TRAM2: variants seen among roughly 807,000 people sequenced by gnomAD.
The protein encoded by TRAM2 is translocating chain-associated membrane protein 2.
TRAM2 carries 12 observed loss-of-function variants against 51.0 expected under a neutral mutation model. The observed-to-expected ratio is 0.24, with a 90% CI of 0.15 to 0.38. The LOEUF (loss-of-function observed/expected upper bound fraction) is 0.38. Ranked by LOEUF, TRAM2 falls within the 10% of genes least tolerant of loss-of-function variation. The pLI is 1.00. For missense variants in TRAM2, 361 were observed against 462.0 expected (o/e 0.78, Z 2.00); for synonymous variants, 175 against 179.4 (o/e 0.98, Z 0.20).
At chr6:52,556,166 G>A (rs1767401188) in intron 1 of TRAM2, among the ~76,000 whole-genome samples, 1 of 152,040 alleles carries the variant, frequency 6.6e-6, no homozygotes, top group African/African-American at 2.4e-5. Flanking sequence ...TCTTGGGGGA[G>A]GGCATTCATG....
At chr6:52,566,214 T>A (rs1024795744) in intron 1 of TRAM2, among the ~76,000 whole-genome samples, 1 of 152,188 alleles carries the variant, frequency 6.6e-6, no homozygotes, top group African/African-American at 2.4e-5. Flanking sequence ...TAAGAAGGTC[T>A]AGAGAAAAGC....
chr6:52,515,832 T>C, intron 4 of TRAM2, 174 bp downstream of exon 4: 1 of 638,148 alleles, frequency 1.6e-6, no homozygotes, highest in South Asian at 1.9e-5. Flanking sequence ...ACCATGAGGA[T>C]GCAAACATAG....
intron 7 of TRAM2, among the ~76,000 whole-genome samples, chr6:52,506,923 G>T (rs1317254004): frequency 6.6e-6 from 1 of 152,232 alleles, no homozygotes; most frequent in Middle Eastern, 3.2e-3. Context: ...AGTGAGCTCT[G>T]TAAGTGCCAG....
intron 8 of TRAM2, 41 bp from the exon 9 acceptor site, chr6:52,505,783 C>T: frequency 6.4e-7 from 1 of 1,561,058 alleles, no homozygotes. Context: ...TCTTTAGCGC[C>T]CTTGAAGGAA....
At chr6:52,515,789 C>A in intron 4 of TRAM2, 1 of 525,714 alleles carries the variant, frequency 1.9e-6, no homozygotes, top group African/African-American at 1.9e-5. Flanking sequence ...CAAGATGACT[C>A]TCTCCAGCTA....
chr6:52,544,638 C>T (rs987743759), intron 1 of TRAM2, among the ~76,000 whole-genome samples: 7 of 152,212 alleles, frequency 4.6e-5, no homozygotes, highest in African/African-American at 1.4e-4. Context: ...TGAGGGAACC[C>T]GATAAGCAGA....
At chr6:52,566,511 T>C (rs1442811873) in intron 1 of TRAM2, among the ~76,000 whole-genome samples, 1 of 152,088 alleles carries the variant, frequency 6.6e-6, no homozygotes, top group Non-Finnish European at 1.5e-5. Flanking sequence ...ACCACTCTAG[T>C]AGTCTCCAGA....
At chr6:52,552,510 G>C (rs1023487859) in intron 1 of TRAM2, among the ~76,000 whole-genome samples, 5 of 152,178 alleles carry the variant, frequency 3.3e-5, no homozygotes, top group Non-Finnish European at 5.9e-5. Context: ...CCACAAACCC[G>C]ACGGGCTGCT....
At position 52,503,200 on chromosome 6, in the gene TRAM2, G is replaced by A. The variant is rs771917230; in HGVS notation, c.1110C>T (p.Pro370=). ...TSPRTKKLKS[P] ...TCCTGTTCTTAGCACTTTGGCCTTA[G>A]GGAGACTTGAGTTTCTTAGTCCGTG... The change falls in exon 11 of 11, where the codon CCC becomes CCT. Residue 370 remains proline (P), a synonymous_variant. Coordinates refer to ENST00000182527, the MANE Select transcript of TRAM2 (RefSeq NM_012288.4). 2 of 1,613,636 alleles carry A rather than the reference G, an allele frequency of 1.2e-6. No individual in the cohort carries two copies. Among genetic ancestry groups the A allele is most frequent in the Non-Finnish European group, 1.7e-6 (2 of 1,179,768 alleles).
intron 4 of TRAM2, among the ~76,000 whole-genome samples, chr6:52,511,622 C>G (rs1018675076): frequency 3.9e-5 from 6 of 152,264 alleles, no homozygotes; most frequent in African/African-American, 1.4e-4. Context: ...AGGTTATTGT[C>G]TATTAGGATC....
intron 1 of TRAM2, among the ~76,000 whole-genome samples, chr6:52,539,637 C>G (rs1193496620): frequency 6.6e-6 from 1 of 151,996 alleles, no homozygotes; most frequent in Non-Finnish European, 1.5e-5. Context: ...GCTGTAGGAG[C>G]GTGGGGATCT....
Position 52,501,042 on chromosome 6 carries a change from C to T in TRAM2, c.*2155G>A, listed in dbSNP as rs1286768961. 6.6e-6 allele frequency: 1 copy of T among 152,160 alleles called. No individual in the cohort carries two copies. The highest frequency in any genetic ancestry group is 1.5e-5 in the Non-Finnish European group (1 of 68,060). The allele number at this position is 152,160 out of a possible 1,614,324, so 9.4% of individuals were successfully genotyped here. A position where few individuals can be genotyped will look rare whatever the true frequency, so the allele number is the denominator to read the frequency against. ...TATTAGGCAAGGTGGGGGGCCTGAA[C>T]TCAATTATAGACTCTGTCAGGGCTG... On this transcript the variant is annotated 3_prime_UTR_variant, in exon 11 of 11. Coordinates refer to ENST00000182527, the MANE Select transcript of TRAM2 (RefSeq NM_012288.4).
At chr6:52,541,258 G>A (rs769332353) in intron 1 of TRAM2, among the ~76,000 whole-genome samples, 7 of 152,288 alleles carry the variant, frequency 4.6e-5, no homozygotes, top group Non-Finnish European at 1.0e-4. Context: ...ATGTTATCGA[G>A]TGCTTATTTG....
intron 7 of TRAM2, among the ~76,000 whole-genome samples, chr6:52,506,343 T>C (rs1278181603): frequency 6.6e-6 from 1 of 152,152 alleles, no homozygotes; most frequent in Admixed American, 6.5e-5. Context: ...CCGCTGGCCG[T>C]TCAGCTGTCC....
intron 1 of TRAM2, among the ~76,000 whole-genome samples, chr6:52,570,878 G>A (rs1767669538): frequency 6.9e-6 from 1 of 145,774 alleles, no homozygotes; most frequent in Non-Finnish European, 1.5e-5. Flanking sequence ...TACTTGCAAA[G>A]CTCTTTAAAC....
rs1434441984 is a variant in TRAM2, at chr6:52,576,817, G to A, written c.99C>T (p.Val33=). 4 of 1,613,728 alleles carry A rather than the reference G, an allele frequency of 2.5e-6. No homozygotes were observed. Among genetic ancestry groups the A allele is most frequent in the Admixed American group, 1.7e-5 (1 of 60,016 alleles). The change falls in exon 1 of 11, where the codon GTC becomes GTT. Residue 33 remains valine, a synonymous_variant. Transcript: ENST00000182527. The stretch of plus-strand genomic sequence containing the variant: ...TCACCTCGAACATAAGCCCGATGAG[G>A]ACGCAGAGCACCAGGCAGAAGCCGA... ...ADIGFCLVLC[V]LIGLMFEVTA...
intron 1 of TRAM2, among the ~76,000 whole-genome samples, chr6:52,555,682 G>A (rs1767393093): frequency 6.6e-6 from 1 of 152,056 alleles, no homozygotes. Context: ...ATTTTAAATT[G>A]ATCTAACCAA....
intron 8 of TRAM2, 73 bp downstream of exon 8, chr6:52,505,959 T>A: frequency 6.5e-7 from 1 of 1,547,478 alleles, no homozygotes; most frequent in Non-Finnish European, 8.9e-7. Flanking sequence ...GGAGGGACCC[T>A]CCAACCATCC....
chr6:52,551,690 G>A (rs1767312187), intron 1 of TRAM2, among the ~76,000 whole-genome samples: 1 of 152,242 alleles, frequency 6.6e-6, no homozygotes, highest in African/African-American at 2.4e-5. Context: ...CTGGAGATGG[G>A]TCAGATTAAA....
Sources: allele counts gnomAD v4.1 joint callset (sites outside exome capture counted in the v4.1 genomes callset), GRCh38; gene constraint gnomAD v4.1.1; transcripts MANE v1.5; gene names NCBI Gene and HGNC (gene_info 2026-07-23, HGNC 2026-07-21).